Variants in RASA3 observed in about 807,000 individuals in gnomAD.
The protein encoded by RASA3 is RAS p21 protein activator 3.
Under a neutral mutation model 110.0 loss-of-function variants are expected in RASA3, and 73 were observed. The ratio of observed to expected loss-of-function variants is 0.66; its 90% CI spans 0.55 to 0.81. The LOEUF (loss-of-function observed/expected upper bound fraction) is 0.81. Among genes scored for constraint, RASA3 ranks in the 30% least tolerant of loss-of-function variants. The pLI is 0.00. For missense variants in RASA3, 976 were observed against 1,113.2 expected (o/e 0.88, Z 1.75); for synonymous variants, 500 against 451.4 (o/e 1.11, Z -1.37).
rs112114129 is a variant in RASA3, at chr13:113,991,057, C to T, written c.2245+1428G>A. On this transcript the variant is annotated intron_variant, in intron 22 of 23. Coordinates refer to ENST00000334062, the MANE Select transcript of RASA3 (RefSeq NM_007368.4). ...CACAGATGGGCAGCTGTGCGGACACCCAGGGCATGTGGGGCTGGAGAACAG... is the reference window on the plus strand; with the variant it reads ...CACAGATGGGCAGCTGTGCGGACACTCAGGGCATGTGGGGCTGGAGAACAG... Among the ~76,000 whole-genome samples the T allele has an allele frequency of 9.8e-3, 148 of 15,056 alleles. 42 individuals are homozygous for T. Among genetic ancestry groups the T allele is most frequent in the African/African-American group, 0.049 (44 of 896 alleles). 9.9% of individuals were successfully genotyped at this position (15,056 alleles called of 152,430 possible).
In RASA3 at chr13:113,996,626, G is replaced by T; in HGVS notation, c.2046C>A (p.Arg682=). The T allele has an allele frequency of 6.2e-7, 1 of 1,613,756 alleles. No homozygotes were observed. Among genetic ancestry groups the T allele is most frequent in the African/African-American group, 1.3e-5 (1 of 75,076 alleles). ...AGGCGGACGGGTGGTAGACGGTGAG[G>T]CGCTTCTGGTTGCACTGGCTCACTT... ...LTKVSQCNQK[R]LTVYHPSAYL... Residue 682 remains arginine, a synonymous_variant, in exon 21 of 24, where the codon CGC becomes CGA. Transcript: ENST00000334062.
intron 22 of RASA3, among the ~76,000 whole-genome samples, chr13:113,990,670 C>T (rs75284773): frequency 0.061 from 9,228 of 152,276 alleles, 660 homozygotes; most frequent in African/African-American, 0.14. Flanking sequence ...GGAGAAGACG[C>T]TGTGGTGGGT....
At chr13:114,021,357 T>C (rs1489618186) in intron 9 of RASA3, 47 bp downstream of exon 9, 11 of 1,558,410 alleles carry the variant, frequency 7.1e-6, no homozygotes, top group Non-Finnish European at 9.7e-6. Flanking sequence ...CACGTGTTTT[T>C]GTGGCTCTCA....
intron 2 of RASA3, among the ~76,000 whole-genome samples, chr13:114,069,854 G>A (rs56651699): frequency 1.6e-4 from 1 of 6,188 alleles, no homozygotes; most frequent in Non-Finnish European, 2.9e-4. Flanking sequence ...CTCGGGGGCC[G>A]GGAGACTTGG....
intron 1 of RASA3, among the ~76,000 whole-genome samples, chr13:114,093,734 C>T (rs1189472445): frequency 1.3e-5 from 2 of 151,600 alleles, no homozygotes; most frequent in Non-Finnish European, 2.9e-5. Flanking sequence ...AAGCTTTCTT[C>T]ATTTCTTTTC....
At chr13:114,026,761 C>A (rs1372394440) in intron 7 of RASA3, among the ~76,000 whole-genome samples, 1 of 152,230 alleles carries the variant, frequency 6.6e-6, no homozygotes, top group Non-Finnish European at 1.5e-5. Context: ...GGAAGAACAT[C>A]TGCCTAAAGG....
Position 114,014,210 on chromosome 13 carries a change from C to T in RASA3, c.1406-962G>A, listed in dbSNP as rs552206660. 7.9e-5 allele frequency among the ~76,000 whole-genome samples: 12 copies of T among 152,320 alleles called. 1 individual carries two copies. The South Asian group carries it at 1.7e-3, about 21-fold the overall frequency. Reference sequence around the variant, plus strand: ...TCCATCTCTCATCACCACCACACAGCGCAGCCCCTTTGGTGTCTCATTCCA... The same window carrying T: ...TCCATCTCTCATCACCACCACACAGTGCAGCCCCTTTGGTGTCTCATTCCA... On this transcript the variant is annotated intron_variant, in intron 14 of 23. Transcript: ENST00000334062. The surrounding 1 kb of genome is among the most constrained non-coding windows in gnomAD (Gnocchi z 4.5).
intron 8 of RASA3, among the ~76,000 whole-genome samples, chr13:114,021,775 T>C (rs1440861972): frequency 6.6e-6 from 1 of 152,050 alleles, no homozygotes; most frequent in African/African-American, 2.4e-5. Context: ...GGCTCTTAGA[T>C]AGGAGGGAGC....
chr13:114,043,837 G>GCCCCCCCCCCCCCCCCC (rs544129523), intron 3 of RASA3, among the ~76,000 whole-genome samples: 21 of 22,824 alleles, frequency 9.2e-4, no homozygotes, highest in African/African-American at 5.5e-3. Flanking sequence ...CACTCGCTGA[G>GCCCCCCCCCCCCCCCCC]CCCCCCGCCC....
chr13:114,011,174 T>C lies in RASA3; in HGVS notation c.1587A>G (p.Lys529=), dbSNP rs1388894380. ...VQTLGSLSKS[K]SASFKESYMA... is the part of the protein sequence containing the mutation. ...AAAATGAAGAAGAGGGACTCACAGA[T>C]TTGGACTTGGACAGGCTGCCGAGGG... is the stretch of plus-strand genomic sequence containing the variant. Residue 529 remains lysine (K), a synonymous_variant, in exon 16 of 24, where the codon AAA becomes AAG. Coordinates refer to ENST00000334062, the MANE Select transcript of RASA3 (RefSeq NM_007368.4). This position sits in a 1 kb window ranked among gnomAD's most constrained non-coding sequence, Gnocchi z 4.8. 8.7e-6 allele frequency: 14 copies of C among 1,609,116 alleles called. 1 individual carries two copies. In the South Asian group the frequency reaches 1.5e-4, roughly 18 times the overall value.
chr13:114,121,831 C>G (rs1334356281), intron 1 of RASA3, among the ~76,000 whole-genome samples: 1 of 147,518 alleles, frequency 6.8e-6, no homozygotes, highest in East Asian at 2.1e-4. Flanking sequence ...CATACACAGG[C>G]CCCCCGCCAC....
intron 2 of RASA3, among the ~76,000 whole-genome samples, chr13:114,062,673 C>T (rs9562216): frequency 3.8e-4 from 56 of 148,200 alleles, no homozygotes; most frequent in Admixed American, 2.9e-3. Flanking sequence ...CAGCCCACGT[C>T]CGCATGCAGA....
At chr13:114,078,998 C>CG (rs1420550979) in intron 1 of RASA3, among the ~76,000 whole-genome samples, 1 of 152,232 alleles carries the variant, frequency 6.6e-6, no homozygotes. Context: ...GGCCCTCAGG[C>CG]GGGGCTGGCC....
Position 113,979,221 on chromosome 13 carries a change from G to T in RASA3, c.*126C>A. On this transcript the variant is annotated 3_prime_UTR_variant, in exon 24 of 24. Coordinates refer to ENST00000334062, the MANE Select transcript of RASA3 (RefSeq NM_007368.4). ...GGAGAGGGAAACCCCAGCGCCACTT[G>T]TCTATGGGCCGGGACGGCGTGCATC... is the stretch of plus-strand genomic sequence containing the variant. 1.1e-6 allele frequency: 1 copy of T among 946,052 alleles called. No individual in the cohort carries two copies. The highest frequency in any genetic ancestry group is 1.7e-6 in the Non-Finnish European group (1 of 603,824). The allele number at this position is 946,052 out of a possible 1,614,324, so 58.6% of individuals were successfully genotyped here.
At chr13:114,042,879 G>A (rs1444146207) in intron 3 of RASA3, among the ~76,000 whole-genome samples, 3 of 152,206 alleles carry the variant, frequency 2.0e-5, no homozygotes, top group Admixed American at 1.3e-4. Context: ...TGGAGGAGCA[G>A]GTACCACTCT....
At position 114,018,232 on chromosome 13, in the gene RASA3, G is replaced by C. The variant is rs1316028159; in HGVS notation, c.963C>G (p.Ala321=). The C allele has an allele frequency of 4.9e-5, 76 of 1,553,324 alleles. No homozygotes were observed. The highest frequency in any genetic ancestry group is 6.3e-5 in the Non-Finnish European group (72 of 1,148,942). ...ADVEPVSASA[A]HILGEVCREK... Reference sequence around the variant, plus strand: ...CCCGGCAAACCTCGCCCAGGATGTGGGCCGCAGACGCTGACACGGGCTGCG... The same window carrying C: ...CCCGGCAAACCTCGCCCAGGATGTGCGCCGCAGACGCTGACACGGGCTGCG... The change falls in exon 11 of 24, where the codon GCC becomes GCG. Residue 321 remains alanine (A), a synonymous_variant. Transcript: ENST00000334062.
chr13:114,005,326 CG>C (rs1259918886), intron 18 of RASA3, among the ~76,000 whole-genome samples: 3 of 152,138 alleles, frequency 2.0e-5, no homozygotes, highest in Non-Finnish European at 4.4e-5. Context: ...GGCCACAGGA[CG>C]GGGTTGGTGG....
At chr13:114,030,371 C>A (rs976008870) in intron 4 of RASA3, among the ~76,000 whole-genome samples, 3 of 150,622 alleles carry the variant, frequency 2.0e-5, no homozygotes, top group African/African-American at 7.4e-5. Context: ...AAGGCTCACA[C>A]AGAGGGCAAG....
Position 114,096,850 on chromosome 13 carries a change from G to C in RASA3, c.56-23013C>G, listed in dbSNP as rs754372767. 7.2e-5 allele frequency among the ~76,000 whole-genome samples: 11 copies of C among 152,032 alleles called. No homozygotes were observed. Among genetic ancestry groups the C allele is most frequent in the African/African-American group, 2.2e-4 (9 of 41,374 alleles). ...TCCAGGCCGATCTCGCTGCTCCCTC[G>C]GACGTACTCGCCCTACACCCCAGCC... On this transcript the variant is annotated intron_variant, in intron 1 of 23. Coordinates refer to ENST00000334062, the MANE Select transcript of RASA3 (RefSeq NM_007368.4). The surrounding 1 kb of genome is among the most constrained non-coding windows in gnomAD (Gnocchi z 5.1).
Sources: gnomAD v4.1 joint callset for allele counts (sites outside exome capture counted in the v4.1 genomes callset) on GRCh38, gnomAD v4.1.1 for gene constraint, Gnocchi (gnomAD v3.1) non-coding constraint, MANE v1.5 for transcripts, NCBI Gene and HGNC (gene_info 2026-07-23, HGNC 2026-07-21) for gene names.